MMACHC: variants seen among roughly 807,000 people sequenced by gnomAD.
The protein encoded by MMACHC is metabolism of cobalamin associated C.
In MMACHC, 14 loss-of-function variants were observed where a neutral mutation model predicts 17.6. That is an observed-to-expected ratio of 0.80 (90% CI 0.53 to 1.25). MMACHC has a LOEUF of 1.25. Among genes scored for constraint, MMACHC ranks in the 50% most tolerant of loss-of-function variants. MMACHC has a pLI of 0.00. For synonymous variants in MMACHC, 151 were observed against 142.1 expected, an observed-to-expected ratio of 1.06 and a Z score of -0.45; for missense variants, 392 against 364.5, an observed-to-expected ratio of 1.08 and a Z score of -0.62.
intron 3 of MMACHC, among the ~76,000 whole-genome samples, 175 bp from the exon 4 acceptor site, chr1:45,508,621 C>G (rs772437949): frequency 6.6e-6 from 1 of 152,196 alleles, no homozygotes; most frequent in Non-Finnish European, 1.5e-5. Context: ...CTAGGAAGCC[C>G]AGCCCTTCCC....
intron 1 of MMACHC, among the ~76,000 whole-genome samples, chr1:45,504,245 T>C (rs1435707302): frequency 1.3e-5 from 2 of 151,838 alleles, no homozygotes; most frequent in Non-Finnish European, 2.9e-5. Context: ...TGAAACCCCA[T>C]CTCAACTAAA....
chr1:45,502,377 C>T (rs985392358), intron 1 of MMACHC, among the ~76,000 whole-genome samples: 2 of 152,112 alleles, frequency 1.3e-5, no homozygotes, highest in Non-Finnish European at 2.9e-5. Context: ...TCAAGTGATC[C>T]TCCCACTTTA....
intron 1 of MMACHC, among the ~76,000 whole-genome samples, chr1:45,505,119 A>G (rs899014897): frequency 9.7e-5 from 1 of 10,348 alleles, no homozygotes; most frequent in South Asian, 3.4e-3. Context: ...GTATACATTT[A>G]AAAAAAAAAA....
intron 2 of MMACHC, among the ~76,000 whole-genome samples, chr1:45,507,837 A>G (rs1247334345): frequency 6.6e-6 from 1 of 152,208 alleles, no homozygotes; most frequent in Non-Finnish European, 1.5e-5. Flanking sequence ...TCCAAGTGGA[A>G]TAGGAATGAG....
rs1298194827 is a variant in MMACHC at position 45,509,228 on chromosome 1, T to C, written c.*13T>C. 2.0e-5 allele frequency: 33 copies of C among 1,613,892 alleles called. No individual in the cohort carries two copies. The highest frequency in any genetic ancestry group is 2.7e-5 in the Non-Finnish European group (32 of 1,180,048). ...CCCTGGCCCTTGATTTTCTCCCATG[T>C]GGACCCTGATTTATGGTGGTACTTG... On this transcript the variant is annotated 3_prime_UTR_variant, in exon 4 of 4. Coordinates refer to ENST00000401061, the MANE Select transcript of MMACHC (RefSeq NM_015506.3).
At chr1:45,507,304 G>T in intron 1 of MMACHC, 52 bp from the exon 2 acceptor site, 1 of 1,583,394 alleles carries the variant, frequency 6.3e-7, no homozygotes. Context: ...GTGTGGGCCA[G>T]GCTGAGGCCT....
At chr1:45,505,492 C>T (rs574271772) in intron 1 of MMACHC, among the ~76,000 whole-genome samples, 1 of 152,030 alleles carries the variant, frequency 6.6e-6, no homozygotes, top group Non-Finnish European at 1.5e-5. Context: ...CAGGTTCTCA[C>T]TCTGTTACCC....
chr1:45,505,187 G>A (rs1361610634), intron 1 of MMACHC, among the ~76,000 whole-genome samples: 1 of 147,916 alleles, frequency 6.8e-6, no homozygotes, highest in East Asian at 2.2e-4. Context: ...GGTGACTCAC[G>A]CCTGTAATCC....
At position 45,507,505 on chromosome 1, in the gene MMACHC, CCCAGTGGA is replaced by C; in HGVS notation, c.238_245del (p.Asp80CysfsTer9). On this transcript the variant is annotated frameshift_variant, in exon 2 of 4. Coordinates refer to ENST00000401061, the MANE Select transcript of MMACHC (RefSeq NM_015506.3). LOFTEE classifies it high-confidence loss of function. ...GCTGCCACCTCCGAATGCTGACTGA[CCCAGTGGA>C]CCAGTGTGTGGCCTACCATCTGGGC... 1 of 1,614,170 alleles carries C rather than the reference CCCAGTGGA, an allele frequency of 6.2e-7. No homozygotes were observed. The highest frequency in any genetic ancestry group is 1.3e-5 in the African/African-American group (1 of 75,026).
At chr1:45,508,726 T>G (rs1643675515) in intron 3 of MMACHC, 70 bp from the exon 4 acceptor site, 1 of 1,535,664 alleles carries the variant, frequency 6.5e-7, no homozygotes, top group East Asian at 2.3e-5. Context: ...AGGCCTAGCT[T>G]GCAATGATGG....
At chr1:45,508,582 G>T (rs759702028) in intron 3 of MMACHC, among the ~76,000 whole-genome samples, 2 of 152,202 alleles carry the variant, frequency 1.3e-5, no homozygotes, top group Non-Finnish European at 2.9e-5. Context: ...GATACAGGGG[G>T]CACAGCAGTG....
In MMACHC at chr1:45,509,156, A is replaced by C. The variant is rs1176659824; in HGVS notation, c.790A>C (p.Ser264Arg). ...CGCCCCCAAGAAGCCTGGGAATCCC[A>C]GCAGAGCCCGGAGCTGGCTCAGCCC... Reference protein sequence around the residue: ...TPAPKKPGNPSRARSWLSPRV... With the variant: ...TPAPKKPGNPRRARSWLSPRV... The change falls in exon 4 of 4, where the codon AGC becomes CGC. Residue 264 changes from serine to arginine, a missense_variant. Transcript: ENST00000401061. 6.2e-6 allele frequency: 10 copies of C among 1,613,492 alleles called. No homozygotes were observed. Among genetic ancestry groups the C allele is most frequent in the African/African-American group, 1.3e-5 (1 of 74,854 alleles).
intron 2 of MMACHC, 69 bp from the exon 3 acceptor site, chr1:45,508,143 G>C (rs1021530451): frequency 1.4e-5 from 22 of 1,576,708 alleles, no homozygotes; most frequent in African/African-American, 2.7e-5. Context: ...AAACAAACTA[G>C]GGCTCCCTCG....
Position 45,508,299 on chromosome 1 carries a change from C to A in MMACHC, c.364C>A (p.His122Asn), listed in dbSNP as rs372918203. ...RPKILAQTAA[H>N]VAGAAYYYQR... is the part of the protein sequence containing the mutation. ...CAAGATCCTGGCCCAGACAGCAGCC[C>A]ATGTAGCTGGGGCTGCTTACTACTA... Residue 122 changes from histidine to asparagine, a missense_variant, in exon 3 of 4, where the codon CAT becomes AAT. His to Asn is a moderately conservative substitution (Grantham distance 68). Transcript: ENST00000401061. 40 of 1,614,184 alleles carry A rather than the reference C, an allele frequency of 2.5e-5. No individual in the cohort carries two copies. The African/African-American group carries it at 4.0e-4, about 16-fold the overall frequency.
At chr1:45,506,547 C>T (rs1643622547) in intron 1 of MMACHC, among the ~76,000 whole-genome samples, 1 of 151,970 alleles carries the variant, frequency 6.6e-6, no homozygotes. Context: ...AGTGCAGTGG[C>T]ACGATCTTGT....
intron 1 of MMACHC, among the ~76,000 whole-genome samples, chr1:45,500,738 C>T (rs1045692873): frequency 6.6e-6 from 1 of 151,978 alleles, no homozygotes; most frequent in Non-Finnish European, 1.5e-5. Flanking sequence ...GTGGTGCATG[C>T]CTGTAATCCC....
intron 1 of MMACHC, among the ~76,000 whole-genome samples, chr1:45,506,890 G>C (rs1032811856): frequency 2.6e-5 from 4 of 151,772 alleles, no homozygotes; most frequent in Admixed American, 6.6e-5. Context: ...GGCCAGGCTC[G>C]GTGGCTCACG....
intron 2 of MMACHC, among the ~76,000 whole-genome samples, 158 bp from the exon 3 acceptor site, chr1:45,508,054 A>G (rs1643660913): frequency 1.3e-5 from 2 of 152,224 alleles, no homozygotes; most frequent in East Asian, 1.9e-4. Flanking sequence ...GGAAATAACT[A>G]TAACTATGTC....
At chr1:45,505,759 G>A (rs1043638112) in intron 1 of MMACHC, among the ~76,000 whole-genome samples, 12 of 151,902 alleles carry the variant, frequency 7.9e-5, no homozygotes, top group Non-Finnish European at 1.8e-4. Flanking sequence ...AAAATTAGCC[G>A]GGCGTGGTGG....
Sources: gnomAD v4.1 joint callset for allele counts (sites outside exome capture counted in the v4.1 genomes callset) on GRCh38, gnomAD v4.1.1 for gene constraint, MANE v1.5 for transcripts, NCBI Gene and HGNC (gene_info 2026-07-23, HGNC 2026-07-21) for gene names.